PROCR: variants seen among roughly 807,000 people sequenced by gnomAD.
PROCR encodes protein C receptor.
PROCR carries 22 observed loss-of-function variants against 24.2 expected under a neutral mutation model. That is an observed-to-expected ratio of 0.91 (90% CI 0.65 to 1.30). The LOEUF is 1.30. PROCR is among the 50% of genes most tolerant of loss of function. PROCR has a pLI of 0.00. For synonymous variants in PROCR, 137 were observed against 139.2 expected (o/e 0.98, Z 0.11); for missense variants, 288 against 307.7 (o/e 0.94, Z 0.48).
chr20:35,213,456 T>A (rs191891050), intron 1 of PROCR, among the ~76,000 whole-genome samples: 216 of 152,302 alleles, frequency 1.4e-3, no homozygotes, highest in East Asian at 5.4e-3. Context: ...GTTAAAAAAA[T>A]AATAATAAAT....
chr20:35,189,636 G>A (rs1021291201), intron 1 of PROCR, among the ~76,000 whole-genome samples: 7 of 152,076 alleles, frequency 4.6e-5, no homozygotes, highest in South Asian at 2.1e-4. Context: ...CTGGTTTTAC[G>A]GCTCAGGGGG....
intron 1 of PROCR, among the ~76,000 whole-genome samples, chr20:35,214,191 C>G (rs190260546): frequency 3.3e-4 from 51 of 152,326 alleles, no homozygotes; most frequent in Middle Eastern, 3.4e-3. Context: ...ATTATCAGTT[C>G]CTTGGGTATC....
intron 1 of PROCR, among the ~76,000 whole-genome samples, chr20:35,189,170 C>T (rs1377690491): frequency 6.6e-6 from 1 of 152,062 alleles, no homozygotes; most frequent in Non-Finnish European, 1.5e-5. Flanking sequence ...AGCCATATTT[C>T]TCTTATTACC....
At chr20:35,179,533 A>C (rs965174177), downstream of PROCR, among the ~76,000 whole-genome samples, 4 of 151,950 alleles carry the variant, frequency 2.6e-5, no homozygotes, top group Non-Finnish European at 5.9e-5. Flanking sequence ...CAACAGACCA[A>C]GAAAAAAAAA....
intron 1 of PROCR, among the ~76,000 whole-genome samples, chr20:35,189,885 ATGAAT>A (rs2086159264): frequency 6.6e-6 from 1 of 152,232 alleles, no homozygotes; most frequent in African/African-American, 2.4e-5. Context: ...GGATGAATGA[ATGAAT>A]TGAAGAGTTT....
At chr20:35,173,408 TTTTC>T (rs1366948763) in intron 1 of PROCR, among the ~76,000 whole-genome samples, 3 of 150,612 alleles carry the variant, frequency 2.0e-5, no homozygotes, top group South Asian at 2.1e-4. Context: ...TTTTCTTTGC[TTTTC>T]TTTCTTTTTT....
At chr20:35,215,807 T>A (rs534846205) in intron 1 of PROCR, 1 of 938,554 alleles carries the variant, frequency 1.1e-6, no homozygotes, top group South Asian at 4.9e-5. Flanking sequence ...GAAATAGGAA[T>A]TCAGAGGAAG....
Position 35,176,829 on chromosome 20 carries a change from C to A in PROCR, c.*16C>A, listed in dbSNP as rs9574. Reference sequence around the variant, plus strand: ...GCGATGTTAATTACTCTCCAGCCCCCTCAGAAGGGGCTGGATTGATGGAGG... The same window carrying A: ...GCGATGTTAATTACTCTCCAGCCCCATCAGAAGGGGCTGGATTGATGGAGG... On this transcript the variant is annotated 3_prime_UTR_variant, in exon 4 of 4. Transcript: ENST00000216968. 904 of 1,611,156 alleles carry A rather than the reference C, an allele frequency of 5.6e-4. 8 individuals are homozygous for A. In the Middle Eastern group the frequency reaches 0.011, roughly 20 times the overall value.
intron 1 of PROCR, among the ~76,000 whole-genome samples, chr20:35,207,525 C>CTGTTT (rs145909947): frequency 1.3e-4 from 19 of 150,706 alleles, no homozygotes; most frequent in African/African-American, 2.4e-4. Context: ...TTAGTTAGGA[C>CTGTTT]TGTTTTGTTT....
chr20:35,204,267 A>C (rs1233149414), intron 1 of PROCR, among the ~76,000 whole-genome samples: 1 of 152,188 alleles, frequency 6.6e-6, no homozygotes, highest in Non-Finnish European at 1.5e-5. Flanking sequence ...TGTACTAAAG[A>C]AAATTTAATT....
At chr20:35,214,713 AAGGCTGCAT>A (rs1214320271) in intron 1 of PROCR, among the ~76,000 whole-genome samples, 1 of 151,694 alleles carries the variant, frequency 6.6e-6, no homozygotes, top group Non-Finnish European at 1.5e-5. Flanking sequence ...AAAATTACAA[AAGGCTGCAT>A]AGTGTCCCAT....
chr20:35,184,846 G>T (rs1193584237), intron 1 of PROCR, among the ~76,000 whole-genome samples: 1 of 152,048 alleles, frequency 6.6e-6, no homozygotes, highest in Non-Finnish European at 1.5e-5. Flanking sequence ...ACCAAAAGCA[G>T]TTGCAATATA....
In PROCR at chr20:35,174,475, C is replaced by T. The variant is rs189407487; in HGVS notation, c.71-227C>T. On this transcript the variant is annotated intron_variant, in intron 1 of 3. Coordinates refer to ENST00000216968, the MANE Select transcript of PROCR (RefSeq NM_006404.5). ...GAGGCAGAAAGGAGTGTCTCTTCCA[C>T]TGCAGGCCTCAGTTTCCTCATCTGT... 460 of 602,732 alleles carry T rather than the reference C, an allele frequency of 7.6e-4. 4 individuals carry two copies. The highest frequency in any genetic ancestry group is 6.0e-3 in the Middle Eastern group (13 of 2,160). The allele number at this position is 602,732 out of a possible 1,614,324, so 37.3% of individuals were successfully genotyped here. A position where few individuals can be genotyped will look rare whatever the true frequency, so the allele number is the denominator to read the frequency against.
intron 1 of PROCR, among the ~76,000 whole-genome samples, chr20:35,186,135 C>T (rs1164165542): frequency 1.3e-5 from 2 of 152,072 alleles, no homozygotes; most frequent in African/African-American, 4.8e-5. Context: ...AAGCATTATT[C>T]CTAATAGCCA....
rs779115432 is a variant in PROCR at position 35,174,860 on chromosome 20, G to A, written c.229G>A (p.Glu77Lys). 3.1e-6 allele frequency: 5 copies of A among 1,613,798 alleles called. No homozygotes were observed. Among genetic ancestry groups the A allele is most frequent in the African/African-American group, 1.3e-5 (1 of 75,006 alleles). ...TCAGCTGCAGCCCTTGCAGGAGCCCGAGAGCTGGGCGCGCACGCAGAGTGG... is the reference window on the plus strand; with the variant it reads ...TCAGCTGCAGCCCTTGCAGGAGCCCAAGAGCTGGGCGCGCACGCAGAGTGG... ...IIQLQPLQEPESWARTQSGLQ... is the reference protein window; with the variant it reads ...IIQLQPLQEPKSWARTQSGLQ... Residue 77 changes from glutamate (E) to lysine (K), a missense_variant, in exon 2 of 4, where the codon GAG (glutamate) becomes AAG (lysine). Transcript: ENST00000216968.
upstream of PROCR, among the ~76,000 whole-genome samples, chr20:35,171,376 AT>A (rs1476436575): frequency 6.6e-6 from 1 of 152,164 alleles, no homozygotes; most frequent in Non-Finnish European, 1.5e-5. Context: ...GTCCTATTTC[AT>A]TTTTTAAAAA....
intron 2 of PROCR, among the ~76,000 whole-genome samples, chr20:35,175,876 C>T (rs1427050409): frequency 6.6e-6 from 1 of 151,592 alleles, no homozygotes; most frequent in Non-Finnish European, 1.5e-5. Flanking sequence ...TGAGCTGCCG[C>T]CCCTGCCCCA....
intron 1 of PROCR, among the ~76,000 whole-genome samples, chr20:35,197,152 C>T (rs1315695840): frequency 6.6e-6 from 1 of 152,156 alleles, no homozygotes; most frequent in East Asian, 1.9e-4. Flanking sequence ...GAGACAAGGT[C>T]TCACTATGTT....
rs145917629 is a variant in PROCR, at chr20:35,172,175, G to A, written c.21G>A (p.Pro7=). Residue 7 remains proline, a synonymous_variant, in exon 1 of 4, where the codon CCG becomes CCA. Transcript: ENST00000216968. MLTTLL[P]ILLLSGWAFC... Reference sequence around the variant, plus strand: ...TCAGGATGTTGACAACATTGCTGCCGATACTGCTGCTGTCTGGCTGGGCCT... The same window carrying A: ...TCAGGATGTTGACAACATTGCTGCCAATACTGCTGCTGTCTGGCTGGGCCT... 9.5e-5 allele frequency: 154 copies of A among 1,614,174 alleles called. No homozygotes were observed. In the African/African-American group the frequency reaches 1.9e-3, roughly 20 times the overall value.
Sources: gnomAD v4.1 joint callset for allele counts (sites outside exome capture counted in the v4.1 genomes callset) on GRCh38, gnomAD v4.1.1 for gene constraint, MANE v1.5 for transcripts, NCBI Gene and HGNC (gene_info 2026-07-23, HGNC 2026-07-21) for gene names.